Variants in PLEK observed in about 807,000 individuals in gnomAD.
PLEK encodes the protein platelet 47 kDa protein.
PLEK carries 25 observed loss-of-function variants against 43.9 expected under a neutral mutation model. The ratio of observed to expected loss-of-function variants is 0.57; its 90% CI spans 0.41 to 0.79. The LOEUF (loss-of-function observed/expected upper bound fraction) is 0.79, where lower values mean the gene tolerates loss of function less well. Among genes scored for constraint, PLEK ranks in the 30% least tolerant of loss-of-function variants. PLEK has a pLI of 0.00. For missense variants in PLEK, 396 were observed against 413.3 expected, an observed-to-expected ratio of 0.96 and a Z score of 0.36; for synonymous variants, 152 against 144.4, an observed-to-expected ratio of 1.05 and a Z score of -0.38.
In PLEK at chr2:68,369,286, TTAA is replaced by T. The variant is rs1673344661; in HGVS notation, c.42+3897_42+3899del. On this transcript the variant is annotated intron_variant, in intron 1 of 8. Coordinates refer to ENST00000234313, the MANE Select transcript of PLEK (RefSeq NM_002664.3). ...AATGGCCTTGTCCAAAGTCACACAG[TTAA>T]TAAGTGGCAGAGCTGGTTTGCAACC... Among the ~76,000 whole-genome samples, 4 of 152,232 alleles carry T rather than the reference TTAA, an allele frequency of 2.6e-5. No homozygotes were observed. The South Asian group carries it at 8.3e-4, about 32-fold the overall frequency.
At position 68,388,398 on chromosome 2, in the gene PLEK, G is replaced by A. The variant is rs201568532; in HGVS notation, c.669G>A (p.Gly223=). 3.1e-6 allele frequency: 5 copies of A among 1,604,488 alleles called. No individual in the cohort carries two copies. Among genetic ancestry groups the A allele is most frequent in the South Asian group, 2.2e-5 (2 of 90,914 alleles). The stretch of plus-strand genomic sequence containing the variant: ...TGATTTTCCAACAGCCAGACAGTGG[G>A]TTCTTCTGTGAAGAGAATTCCAGTG... ...PDAFYYFPDS[G]FFCEENSSDD... The change falls in exon 6 of 9, where the codon GGG becomes GGA. Residue 223 remains glycine, a synonymous_variant. Transcript: ENST00000234313.
intron 1 of PLEK, 74 bp from the exon 2 acceptor site, chr2:68,380,254 A>G (rs960997574): frequency 9.8e-6 from 12 of 1,229,564 alleles, no homozygotes; most frequent in Non-Finnish European, 1.4e-5. Context: ...TAAATATAGA[A>G]TCTTTCCTGT....
chr2:68,372,693 A>G (rs1673434025), intron 1 of PLEK, among the ~76,000 whole-genome samples: 2 of 152,112 alleles, frequency 1.3e-5, no homozygotes. Flanking sequence ...ACACACACAC[A>G]TGCACACACA....
chr2:68,388,682 G>A (rs1244183178), intron 6 of PLEK, among the ~76,000 whole-genome samples, 191 bp downstream of exon 6: 1 of 151,988 alleles, frequency 6.6e-6, no homozygotes, highest in East Asian at 1.9e-4. Context: ...AGTTTGACAG[G>A]GCAGAAGATG....
intron 1 of PLEK, among the ~76,000 whole-genome samples, chr2:68,365,877 G>T (rs905906695): frequency 6.6e-6 from 1 of 152,008 alleles, no homozygotes; most frequent in Non-Finnish European, 1.5e-5. Context: ...CATCTTCTTG[G>T]AATTGACACG....
rs888457176 is a variant in PLEK, at chr2:68,382,727, G to C, written c.472+94G>C. 1.2e-5 allele frequency: 8 copies of C among 677,710 alleles called. No homozygotes were observed. In the East Asian group the frequency reaches 2.0e-4, roughly 17 times the overall value. 42.0% of individuals were successfully genotyped at this position (677,710 alleles called of 1,614,324 possible). On this transcript the variant is annotated intron_variant, in intron 4 of 8. Coordinates refer to ENST00000234313, the MANE Select transcript of PLEK (RefSeq NM_002664.3). ...CTGTGAGGTGGGGGTATGAAGTATG[G>C]GGGTTGGAAGGGGTCCCAGAATGCA...
In PLEK at chr2:68,380,674, C is replaced by T. The variant is rs376420633; in HGVS notation, c.199-49C>T. ...ATGGCCTCTGCTTCATGAGGGGCCC[C>T]AAGCCCTTGAAATAAGCCATTTCTA... On this transcript the variant is annotated intron_variant, in intron 2 of 8. Transcript: ENST00000234313. 4.0e-5 allele frequency: 63 copies of T among 1,584,648 alleles called. 1 individual carries two copies. The highest frequency in any genetic ancestry group is 4.9e-5 in the Non-Finnish European group (57 of 1,162,464).
Position 68,386,632 on chromosome 2 carries a change from G to A in PLEK, c.603G>A (p.Val201=), listed in dbSNP as rs1380636618. The change falls in exon 5 of 9, where the codon GTG becomes GTA. Residue 201 remains valine (V), a synonymous_variant. Coordinates refer to ENST00000234313, the MANE Select transcript of PLEK (RefSeq NM_002664.3). The part of the protein sequence containing the change: ...QPAGDMSKSA[V]DGTAENPFLD... ...CTGGAGACATGTCCAAGAGTGCAGT[G>A]GATGGAACTGCTGAAAACCCTTTCC... 3 of 1,613,740 alleles carry A rather than the reference G, an allele frequency of 1.9e-6. No homozygotes were observed. The highest frequency in any genetic ancestry group is 2.7e-5 in the African/African-American group (2 of 74,892).
chr2:68,395,721 G>A lies in PLEK; in HGVS notation c.958G>A (p.Ala320Thr). ...EEENLFEIITADEVHYFLQAA... is the reference protein window; with the variant it reads ...EEENLFEIITTDEVHYFLQAA... ...AGAGAACCTTTTTGAGATCATCACAGCAGATGAAGTGCACTATTTCTTGCA... is the reference window on the plus strand; with the variant it reads ...AGAGAACCTTTTTGAGATCATCACAACAGATGAAGTGCACTATTTCTTGCA... Residue 320 changes from alanine (A) to threonine (T), a missense_variant, in exon 9 of 9, where the codon GCA becomes ACA. Coordinates refer to ENST00000234313, the MANE Select transcript of PLEK (RefSeq NM_002664.3). The A allele has an allele frequency of 6.2e-7, 1 of 1,613,942 alleles. No individual in the cohort carries two copies. The highest frequency in any genetic ancestry group is 8.5e-7 in the Non-Finnish European group (1 of 1,179,844).
chr2:68,392,122 C>G (rs1032750632), intron 6 of PLEK, among the ~76,000 whole-genome samples: 1 of 151,648 alleles, frequency 6.6e-6, no homozygotes, highest in Non-Finnish European at 1.5e-5. Context: ...TTCTTTCTTT[C>G]TTCCTTCCTC....
rs1292766778 is a variant in PLEK at position 68,380,452 on chromosome 2, C to T, written c.167C>T (p.Thr56Ile). The T allele has an allele frequency of 3.7e-6, 6 of 1,613,992 alleles. No individual in the cohort carries two copies. Among genetic ancestry groups the T allele is most frequent in the Middle Eastern group, 1.7e-4 (1 of 6,056 alleles). ...ATCCCGCTGAAAGGGAGCACTCTGA[C>T]TAGCCCTTGTCAAGACTTTGGCAAA... ...GMIPLKGSTL[T>I]SPCQDFGKRM... The change falls in exon 2 of 9, where the codon ACT becomes ATT. Residue 56 changes from threonine (T) to isoleucine (I), a missense_variant. Coordinates refer to ENST00000234313, the MANE Select transcript of PLEK (RefSeq NM_002664.3).
chr2:68,382,662 G>T, intron 4 of PLEK, 29 bp downstream of exon 4: 1 of 1,298,658 alleles, frequency 7.7e-7, no homozygotes, highest in Non-Finnish European at 1.1e-6. Flanking sequence ...CTGAAATAGG[G>T]CGACTGGGAA....
intron 1 of PLEK, chr2:68,365,635 G>A (rs960244033): frequency 4.3e-6 from 2 of 465,670 alleles, no homozygotes; most frequent in Non-Finnish European, 7.9e-6. Flanking sequence ...GGCAGGGCCT[G>A]GAAGGTGGGG....
chr2:68,393,091 G>A, intron 6 of PLEK, 71 bp from the exon 7 acceptor site: 1 of 882,798 alleles, frequency 1.1e-6, no homozygotes, highest in Non-Finnish European at 1.9e-6. Flanking sequence ...TAATTATTCT[G>A]TAGGTATTGT....
At chr2:68,389,457 C>G (rs575533418) in intron 6 of PLEK, among the ~76,000 whole-genome samples, 2 of 151,982 alleles carry the variant, frequency 1.3e-5, no homozygotes, top group African/African-American at 2.4e-5. Context: ...ATGTTAGGAC[C>G]CTGAATGTCC....
At chr2:68,394,890 T>C (rs1003151143) in intron 8 of PLEK, among the ~76,000 whole-genome samples, 1 of 152,192 alleles carries the variant, frequency 6.6e-6, no homozygotes, top group Non-Finnish European at 1.5e-5. Flanking sequence ...TTTTGGTTTG[T>C]AGTATGATAA....
rs1673950738 is a variant in PLEK, at chr2:68,395,742, T to C, written c.979T>C (p.Leu327=). 6.2e-7 allele frequency: 1 copy of C among 1,613,660 alleles called. No homozygotes were observed. Among genetic ancestry groups the C allele is most frequent in the Non-Finnish European group, 8.5e-7 (1 of 1,179,756 alleles). ...CACAGCAGATGAAGTGCACTATTTC[T>C]TGCAAGCAGCCACCCCCAAGGAGCG... is the stretch of plus-strand genomic sequence containing the variant. The part of the protein sequence containing the change: ...IITADEVHYF[L]QAATPKERTE... Residue 327 remains leucine, a synonymous_variant, in exon 9 of 9, where the codon TTG becomes CTG. Transcript: ENST00000234313.
intron 1 of PLEK, among the ~76,000 whole-genome samples, chr2:68,374,944 G>A (rs183081172): frequency 6.6e-6 from 1 of 152,156 alleles, no homozygotes; most frequent in Admixed American, 6.5e-5. Flanking sequence ...CTGTTGATGG[G>A]CATTTGGGTT....
At chr2:68,388,782 T>C (rs1218275835) in intron 6 of PLEK, among the ~76,000 whole-genome samples, 1 of 151,866 alleles carries the variant, frequency 6.6e-6, no homozygotes, top group East Asian at 1.9e-4. Context: ...AGATAAATTG[T>C]CTAAGAGATG....
Sources: gnomAD v4.1 joint callset for allele counts (sites outside exome capture counted in the v4.1 genomes callset) on GRCh38, gnomAD v4.1.1 for gene constraint, MANE v1.5 for transcripts, NCBI Gene and HGNC (gene_info 2026-07-23, HGNC 2026-07-21) for gene names.